The following TRIM16 variants were observed in gnomAD, a reference collection of about 807,000 sequenced individuals.
TRIM16 encodes tripartite motif-containing protein 16.
A neutral mutation model predicts 50.4 loss-of-function variants in TRIM16; 33 were observed. The observed-to-expected ratio is 0.65, with a 90% CI of 0.50 to 0.88. The LOEUF is 0.88. Among genes scored for constraint, TRIM16 ranks in the 40% least tolerant of loss-of-function variants. The pLI is 0.00. For synonymous variants in TRIM16, 229 were observed against 270.7 expected (o/e 0.85, Z 1.51); for missense variants, 581 against 686.8 (o/e 0.85, Z 1.72).
chr17:15,647,943 G>C (rs1245319530), intron 7 of TRIM16, among the ~76,000 whole-genome samples: 1 of 152,060 alleles, frequency 6.6e-6, no homozygotes, highest in Non-Finnish European at 1.5e-5. Flanking sequence ...AAACCAAAGG[G>C]GGCCGGGCGT....
chr17:15,674,232 T>C (rs1285215695), intron 6 of TRIM16, among the ~76,000 whole-genome samples: 8 of 152,014 alleles, frequency 5.3e-5, no homozygotes, highest in African/African-American at 1.9e-4. Flanking sequence ...TAGCCGGGCA[T>C]GGTGACGGGC....
chr17:15,645,184 T>C (rs1987308724), intron 7 of TRIM16, among the ~76,000 whole-genome samples: 2 of 152,088 alleles, frequency 1.3e-5, no homozygotes, highest in African/African-American at 4.8e-5. Context: ...CTCAGTAAAG[T>C]GTTTGCTTCA....
rs776896442 is a variant in TRIM16 at position 15,651,125 on chromosome 17, A to T, written c.485T>A (p.Ile162Lys). The T allele has an allele frequency of 1.2e-6, 2 of 1,613,718 alleles. No homozygotes were observed. The highest frequency in any genetic ancestry group is 3.3e-5 in the Admixed American group (2 of 60,006). The change falls in exon 7 of 12, where the codon ATA (isoleucine) becomes AAA (lysine). Residue 162 changes from isoleucine (I) to lysine (K), a missense_variant. Physicochemically the swap from Ile to Lys is moderately radical, Grantham distance 102. Coordinates refer to ENST00000649191, the MANE Select transcript of TRIM16 (RefSeq NM_001348119.1). ...DCCQEHSGHT[I>K]VSLDAARRDK... ...CCTGCGGGCTGCATCCAGGGAGACT[A>T]TGGTGTGGCCACTGTGCTCCTGGCA...
intron 5 of TRIM16, 114 bp downstream of exon 5, chr17:15,677,461 G>A (rs1988997259): frequency 1.0e-6 from 1 of 955,588 alleles, no homozygotes; most frequent in Non-Finnish European, 1.2e-6. Flanking sequence ...TGGATTCTGT[G>A]GGGGAAAATA....
At position 15,628,879 on chromosome 17, in the gene TRIM16, C is replaced by T. The variant is rs1362092644; in HGVS notation, c.1431G>A (p.Thr477=). The T allele has an allele frequency of 3.7e-6, 6 of 1,614,102 alleles. No individual in the cohort carries two copies. The highest frequency in any genetic ancestry group is 1.3e-5 in the African/African-American group (1 of 74,926). ...WSLQWNGKEF[T]AWYSDMETPL... ...GGGTCTCCATGTCACTGTACCAGGCCGTGAACTCCTTCCCGTTCCATTGGA... is the reference window on the plus strand; with the variant it reads ...GGGTCTCCATGTCACTGTACCAGGCTGTGAACTCCTTCCCGTTCCATTGGA... The change falls in exon 12 of 12, where the codon ACG becomes ACA. Residue 477 remains threonine, a synonymous_variant. Coordinates refer to ENST00000649191, the MANE Select transcript of TRIM16 (RefSeq NM_001348119.1).
chr17:15,652,433 A>G (rs1464970203), intron 6 of TRIM16, among the ~76,000 whole-genome samples: 2 of 133,964 alleles, frequency 1.5e-5, no homozygotes, highest in African/African-American at 5.8e-5. Flanking sequence ...TGCTAGGATT[A>G]CAGGTGAGCC....
At chr17:15,629,224 G>C (rs544972721) in intron 11 of TRIM16, 26 bp from the exon 12 acceptor site, 1 of 1,566,204 alleles carries the variant, frequency 6.4e-7, no homozygotes, top group East Asian at 2.3e-5. Context: ...AGGCAGGAGA[G>C]TGGTTCAGGA....
In TRIM16 at chr17:15,651,547, G is replaced by A; in HGVS notation, c.63C>T (p.Ala21=). The A allele has an allele frequency of 2.5e-6, 4 of 1,614,092 alleles. No homozygotes were observed. The highest frequency in any genetic ancestry group is 3.4e-6 in the Non-Finnish European group (4 of 1,179,964). Residue 21 remains alanine (A), a synonymous_variant, in exon 7 of 12, where the codon GCC becomes GCT. Transcript: ENST00000649191. The part of the protein sequence containing the change: ...PLPRATAQPP[A]PLSPDSGSPS... ...GTGACCCAGAGTCTGGGCTGAGAGG[G>A]GCTGGGGGCTGAGCAGTGGCCCTGG...
chr17:15,637,540 GC>G (rs1567672010), intron 8 of TRIM16, among the ~76,000 whole-genome samples: 5 of 104,534 alleles, frequency 4.8e-5, no homozygotes, highest in African/African-American at 1.7e-4. Context: ...TCAGCCCCCC[GC>G]CCGGCCAGCC....
chr17:15,671,403 G>A (rs2151420898), intron 6 of TRIM16, among the ~76,000 whole-genome samples: 1 of 148,176 alleles, frequency 6.7e-6, no homozygotes, highest in Admixed American at 6.8e-5. Flanking sequence ...TGGTTTGGGG[G>A]GATATCTTGG....
intron 7 of TRIM16, among the ~76,000 whole-genome samples, chr17:15,646,657 G>A (rs1262035855): frequency 1.4e-5 from 2 of 147,060 alleles, no homozygotes; most frequent in South Asian, 2.2e-4. Flanking sequence ...TGGCAGCCAG[G>A]TCATGTTAGA....
At chr17:15,669,550 C>T (rs563039813) in intron 6 of TRIM16, among the ~76,000 whole-genome samples, 3 of 152,112 alleles carry the variant, frequency 2.0e-5, no homozygotes, top group African/African-American at 7.2e-5. Context: ...ACTCAGGAAG[C>T]CCTTTCTTTT....
rs191917248 is a variant in TRIM16, at chr17:15,682,480, T to G, written c.-679+374A>C. ...TGGAAGTCCCTTCTAATTTGGGGGA[T>G]CCCTTTGTATCTCCTTAAGACAAAG... On this transcript the variant is annotated intron_variant, in intron 3 of 11. Coordinates refer to ENST00000649191, the MANE Select transcript of TRIM16 (RefSeq NM_001348119.1). Among the ~76,000 whole-genome samples the G allele has an allele frequency of 3.2e-4, 49 of 152,342 alleles. 1 individual carries two copies. The East Asian group carries it at 9.4e-3, about 29-fold the overall frequency.
intron 6 of TRIM16, among the ~76,000 whole-genome samples, chr17:15,668,474 A>C (rs1188703591): frequency 6.6e-6 from 1 of 152,184 alleles, no homozygotes; most frequent in East Asian, 1.9e-4. Flanking sequence ...TGGCTCTAAG[A>C]ATAAAGATCC....
rs775892752 is a variant in TRIM16, at chr17:15,631,535, C to G, written c.1111+84G>C. 1.8e-4 allele frequency: 240 copies of G among 1,298,308 alleles called. 1 individual carries two copies. Among genetic ancestry groups the G allele is most frequent in the Non-Finnish European group, 2.5e-4 (232 of 917,842 alleles). The allele number at this position is 1,298,308 out of a possible 1,614,324, so 80.4% of individuals were successfully genotyped here. ...ATATGAAGTTGCAAGAACCTGAAAC[C>G]TAGATGAGAGATGGCGGTTCTGACT... On this transcript the variant is annotated intron_variant, in intron 11 of 11. Coordinates refer to ENST00000649191, the MANE Select transcript of TRIM16 (RefSeq NM_001348119.1).
chr17:15,643,579 C>T (rs1341138969), intron 7 of TRIM16, among the ~76,000 whole-genome samples: 1 of 147,306 alleles, frequency 6.8e-6, no homozygotes, highest in East Asian at 2.0e-4. Flanking sequence ...CTAGGCTGTA[C>T]CCCAACCACC....
At chr17:15,651,984 C>G (rs1385983657) in intron 6 of TRIM16, 38 bp from the exon 7 acceptor site, 2 of 1,132,338 alleles carry the variant, frequency 1.8e-6, no homozygotes, top group Admixed American at 9.2e-5. Flanking sequence ...CTGTTATAAG[C>G]CTGTGTGGCT....
At chr17:15,666,606 G>A (rs1212548740) in intron 6 of TRIM16, among the ~76,000 whole-genome samples, 1 of 152,170 alleles carries the variant, frequency 6.6e-6, no homozygotes, top group East Asian at 1.9e-4. Flanking sequence ...AAGAATCTGA[G>A]TTTTATCATT....
At chr17:15,659,083 G>A (rs1988102201) in intron 6 of TRIM16, among the ~76,000 whole-genome samples, 1 of 151,940 alleles carries the variant, frequency 6.6e-6, no homozygotes. Flanking sequence ...CACAAAGACA[G>A]GAGGACACAC....
Sources: gnomAD v4.1 joint callset for allele counts (sites outside exome capture counted in the v4.1 genomes callset) on GRCh38, gnomAD v4.1.1 for gene constraint, MANE v1.5 for transcripts, NCBI Gene and HGNC (gene_info 2026-07-23, HGNC 2026-07-21) for gene names.